The following ERCC6L2 variants were observed in gnomAD, a reference collection of about 807,000 sequenced individuals.
ERCC6L2 encodes DNA excision repair protein ERCC-6-like 2.
Under a neutral mutation model 132.0 loss-of-function variants are expected in ERCC6L2, and 77 were observed. The observed-to-expected ratio is 0.58, with a 90% CI of 0.49 to 0.71. ERCC6L2 has a LOEUF of 0.71. ERCC6L2 is among the 30% of genes least tolerant of loss of function. The pLI, the probability that ERCC6L2 is intolerant of heterozygous loss-of-function variation, is 0.00. For synonymous variants in ERCC6L2, 583 were observed against 632.4 expected, an observed-to-expected ratio of 0.92 and a Z score of 1.17; for missense variants, 1,542 against 1,837.6, an observed-to-expected ratio of 0.84 and a Z score of 2.94.
At chr9:95,986,808 CT>C (rs1472322623) in intron 17 of ERCC6L2, among the ~76,000 whole-genome samples, 2 of 152,084 alleles carry the variant, frequency 1.3e-5, no homozygotes, top group African/African-American at 4.8e-5. Context: ...TATCTCTCTC[CT>C]TTTGTCAGGT....
chr9:96,018,781 A>G (rs1834235742), downstream of ERCC6L2, among the ~76,000 whole-genome samples: 1 of 152,084 alleles, frequency 6.6e-6, no homozygotes, highest in African/African-American at 2.4e-5. Flanking sequence ...TGCAGGTTAA[A>G]CTATGATGTT....
chr9:95,984,221 G>A (rs890097239), intron 17 of ERCC6L2, among the ~76,000 whole-genome samples: 3 of 148,248 alleles, frequency 2.0e-5, no homozygotes, highest in African/African-American at 7.4e-5. Flanking sequence ...TATGGATAAA[G>A]TATATATTAT....
At chr9:96,029,329 A>C (rs143892246) in intron 19 of ERCC6L2, among the ~76,000 whole-genome samples, 14,789 of 149,720 alleles carry the variant, frequency 0.099, 822 homozygotes, top group African/African-American at 0.12. Context: ...AAAAACAAAA[A>C]AAAAATTAGG....
intron 3 of ERCC6L2, 103 bp from the exon 4 acceptor site, chr9:95,906,975 C>G: frequency 2.6e-6 from 2 of 764,302 alleles, no homozygotes; most frequent in Non-Finnish European, 2.1e-6. Context: ...AACTAGATGT[C>G]AAAATTAAGG....
chr9:95,948,039 A>C (rs184377915), intron 12 of ERCC6L2, among the ~76,000 whole-genome samples: 135 of 152,214 alleles, frequency 8.9e-4, no homozygotes, highest in Middle Eastern at 3.4e-3. Flanking sequence ...TTGACTTTGA[A>C]CTCTTATTAT....
chr9:95,911,658 T>G (rs539615442), intron 4 of ERCC6L2, among the ~76,000 whole-genome samples: 1 of 152,314 alleles, frequency 6.6e-6, no homozygotes, highest in African/African-American at 2.4e-5. Flanking sequence ...AGGATAGTGC[T>G]CTGTGCATTT....
downstream of ERCC6L2, among the ~76,000 whole-genome samples, chr9:96,023,241 A>G (rs1462773703): frequency 6.6e-6 from 1 of 152,090 alleles, no homozygotes; most frequent in Non-Finnish European, 1.5e-5. Context: ...CAGGGAAGGG[A>G]TTTATGATTA....
At chr9:96,003,550 C>A (rs1418637649) in intron 17 of ERCC6L2, among the ~76,000 whole-genome samples, 4 of 152,140 alleles carry the variant, frequency 2.6e-5, no homozygotes, top group Non-Finnish European at 2.9e-5. Flanking sequence ...ACTCCTCATT[C>A]CTGTTTTGTG....
chr9:96,012,129 C>A (rs1834045423), intron 18 of ERCC6L2, 96 bp from the exon 19 acceptor site: 1 of 811,176 alleles, frequency 1.2e-6, no homozygotes, highest in Non-Finnish European at 1.6e-6. Flanking sequence ...ACAAGATTAC[C>A]TTCTGTGGAC....
At chr9:95,902,664 C>T (rs1004992708) in intron 3 of ERCC6L2, among the ~76,000 whole-genome samples, 4 of 152,128 alleles carry the variant, frequency 2.6e-5, no homozygotes, top group Middle Eastern at 3.4e-3. Context: ...CATATCCCCA[C>T]GAGTGATGTA....
chr9:95,916,057 T>G (rs1829570382), intron 5 of ERCC6L2, among the ~76,000 whole-genome samples, 170 bp from the exon 6 acceptor site: 1 of 152,224 alleles, frequency 6.6e-6, no homozygotes, highest in Non-Finnish European at 1.5e-5. Flanking sequence ...AGTTTCATCC[T>G]CATATCATAG....
intron 11 of ERCC6L2, among the ~76,000 whole-genome samples, chr9:95,932,074 C>CTT (rs1031441564): frequency 3.3e-4 from 47 of 141,946 alleles, no homozygotes; most frequent in African/African-American, 1.2e-3. Flanking sequence ...GAAATGATCA[C>CTT]TTTTTTTTTT....
chr9:95,904,832 T>C (rs1311974896), intron 3 of ERCC6L2, among the ~76,000 whole-genome samples: 1 of 152,190 alleles, frequency 6.6e-6, no homozygotes, highest in Non-Finnish European at 1.5e-5. Context: ...GAGCAAGATT[T>C]ATTGAAAGAT....
chr9:95,897,032 C>T (rs1476442650), intron 2 of ERCC6L2, among the ~76,000 whole-genome samples: 1 of 151,708 alleles, frequency 6.6e-6, no homozygotes, highest in South Asian at 2.1e-4. Flanking sequence ...TTCTAATTCT[C>T]ACATAGTTTT....
At chr9:95,947,706 A>G (rs576211012) in intron 12 of ERCC6L2, among the ~76,000 whole-genome samples, 2 of 152,222 alleles carry the variant, frequency 1.3e-5, no homozygotes, top group Non-Finnish European at 2.9e-5. Context: ...GGTGACTTTA[A>G]GTTAAAGCCA....
Position 95,941,112 on chromosome 9 carries a change from A to G in ERCC6L2, c.1752-342A>G, listed in dbSNP as rs1041191109. ...CTGAATTGAGTTTTTTAATGTATGC[A>G]TTACTTTATTTAGCTAGAATGTACT... On this transcript the variant is annotated intron_variant, in intron 11 of 18. Coordinates refer to ENST00000653738, the MANE Select transcript of ERCC6L2 (RefSeq NM_020207.7). Among the ~76,000 whole-genome samples the G allele has an allele frequency of 8.5e-5, 13 of 152,290 alleles. 1 individual carries two copies. The highest frequency in any genetic ancestry group is 7.2e-4 in the Admixed American group (11 of 15,282).
intron 18 of ERCC6L2, among the ~76,000 whole-genome samples, chr9:96,010,147 C>T (rs994650116): frequency 6.6e-6 from 1 of 152,174 alleles, no homozygotes; most frequent in African/African-American, 2.4e-5. Context: ...TTGGCAATTT[C>T]CAGGACAGAA....
chr9:95,976,239 T>C (rs1345746265), intron 16 of ERCC6L2, among the ~76,000 whole-genome samples: 1 of 152,168 alleles, frequency 6.6e-6, no homozygotes, highest in Non-Finnish European at 1.5e-5. Context: ...CTAGGTCTTT[T>C]CTTGCCCTCA....
At position 95,972,895 on chromosome 9, in the gene ERCC6L2, A is replaced by G. The variant is rs1346835314; in HGVS notation, c.3144A>G (p.Leu1048=). 3.1e-6 allele frequency: 4 copies of G among 1,305,332 alleles called. No homozygotes were observed. The highest frequency in any genetic ancestry group is 1.2e-5 in the South Asian group (1 of 80,998). The allele number at this position is 1,305,332 out of a possible 1,614,324, so 80.9% of individuals were successfully genotyped here. The part of the protein sequence containing the change: ...IDDYSSSDES[L]SVSHFSFSKQ... ...ATTATTCATCCTCAGATGAGAGTTT[A>G]TCCGTCAGCCACTTCAGTTTCTCTA... The change falls in exon 16 of 19, where the codon TTA becomes TTG. Residue 1048 remains leucine (L), a synonymous_variant. Coordinates refer to ENST00000653738, the MANE Select transcript of ERCC6L2 (RefSeq NM_020207.7).
Sources: allele counts gnomAD v4.1 joint callset (sites outside exome capture counted in the v4.1 genomes callset), GRCh38; gene constraint gnomAD v4.1.1; transcripts MANE v1.5; gene names NCBI Gene and HGNC (gene_info 2026-07-23, HGNC 2026-07-21).